RANBP17: variants seen among roughly 807,000 people sequenced by gnomAD.
RANBP17 encodes ran-binding protein 17.
RANBP17 carries 158 observed loss-of-function variants against 141.2 expected under a neutral mutation model. That is an observed-to-expected ratio of 1.12 (90% CI 0.98 to 1.28). The LOEUF is 1.28. Ranked by LOEUF, RANBP17 falls within the 50% of genes most tolerant of loss-of-function variation. The pLI, the probability that RANBP17 is intolerant of heterozygous loss-of-function variation, is 0.00. For missense variants in RANBP17, 1,438 were observed against 1,290.7 expected (o/e 1.11, Z -1.75); for synonymous variants, 430 against 450.0 (o/e 0.96, Z 0.56).
chr5:170,872,785 A>G, intron 1 of RANBP17, among the ~76,000 whole-genome samples: 1 of 152,198 alleles, frequency 6.6e-6, no homozygotes, highest in Non-Finnish European at 1.5e-5. Context: ...TTCTATTGAG[A>G]TAATCATGTG....
chr5:171,181,855 G>A (rs915074940), intron 16 of RANBP17, among the ~76,000 whole-genome samples: 2 of 152,210 alleles, frequency 1.3e-5, no homozygotes, highest in African/African-American at 2.4e-5. Context: ...TTGATAATTG[G>A]CAAAGACATT....
chr5:170,910,244 G>A (rs1202326583), intron 6 of RANBP17: 1 of 154,738 alleles, frequency 6.5e-6, no homozygotes, highest in Admixed American at 6.5e-5. Context: ...ATTAGTGATA[G>A]CATGATTCAT....
At chr5:171,247,516 T>G (rs1460857610) in intron 24 of RANBP17, among the ~76,000 whole-genome samples, 1 of 152,214 alleles carries the variant, frequency 6.6e-6, no homozygotes. Flanking sequence ...TACAGAAAAG[T>G]TGAATCAGTG....
At chr5:171,253,974 G>A (rs543479954) in intron 24 of RANBP17, among the ~76,000 whole-genome samples, 8 of 152,094 alleles carry the variant, frequency 5.3e-5, no homozygotes, top group African/African-American at 1.4e-4. Context: ...CTGGCTAGGC[G>A]CGGTGGCTCA....
At chr5:171,141,558 G>A (rs1757698585) in intron 14 of RANBP17, among the ~76,000 whole-genome samples, 2 of 129,926 alleles carry the variant, frequency 1.5e-5, no homozygotes, top group South Asian at 5.1e-4. Context: ...AGTGAGCCGA[G>A]ATCTCACCAC....
chr5:170,865,102 G>A (rs754082297), intron 1 of RANBP17, among the ~76,000 whole-genome samples: 2 of 151,956 alleles, frequency 1.3e-5, no homozygotes, highest in Admixed American at 6.6e-5. Flanking sequence ...AATCTTGCTC[G>A]CCCAGGCTGG....
rs563036063 is a variant in RANBP17, at chr5:171,019,265, G to T, written c.1710+50888G>T. Among the ~76,000 whole-genome samples, 174 of 152,298 alleles carry T rather than the reference G, an allele frequency of 1.1e-3. 2 individuals are homozygous for T. Among genetic ancestry groups the T allele is most frequent in the South Asian group, 1.5e-3 (7 of 4,820 alleles). Reference sequence around the variant, plus strand: ...CGGCTTTGGTATCAGGATGGTGCTGGCTGTATAAAATAAGTTAGGAAGGAG... The same window carrying T: ...CGGCTTTGGTATCAGGATGGTGCTGTCTGTATAAAATAAGTTAGGAAGGAG... On this transcript the variant is annotated intron_variant, in intron 14 of 27. Coordinates refer to ENST00000523189, the MANE Select transcript of RANBP17 (RefSeq NM_022897.5).
chr5:170,877,660 C>T (rs183800562), intron 1 of RANBP17, among the ~76,000 whole-genome samples: 1 of 152,272 alleles, frequency 6.6e-6, no homozygotes, highest in Admixed American at 6.5e-5. Flanking sequence ...TCTGGTATCT[C>T]CTTGCTGTGT....
rs942940161 is a variant in RANBP17 at position 170,911,496 on chromosome 5, A to C, written c.760+362A>C. The stretch of plus-strand genomic sequence containing the variant: ...TTTTCAGGTGCTGGTCAAACCTTTA[A>C]ATCTTCAGGATCAGTGTTAGCAAAA... On this transcript the variant is annotated intron_variant, in intron 7 of 27. Transcript: ENST00000523189. 17 of 708,672 alleles carry C rather than the reference A, an allele frequency of 2.4e-5. No individual in the cohort carries two copies. In the African/African-American group the frequency reaches 2.6e-4, roughly 11 times the overall value. The allele number at this position is 708,672 out of a possible 1,614,324, so 43.9% of individuals were successfully genotyped here.
chr5:171,086,287 A>G (rs1785647076), intron 14 of RANBP17, among the ~76,000 whole-genome samples: 1 of 146,882 alleles, frequency 6.8e-6, no homozygotes, highest in South Asian at 2.2e-4. Context: ...CGTATATTGA[A>G]CCAGCCTTGC....
intron 24 of RANBP17, chr5:171,251,757 C>T (rs1300504312): frequency 1.1e-6 from 1 of 901,930 alleles, no homozygotes; most frequent in Non-Finnish European, 1.8e-6. Flanking sequence ...CCCCGTTCCC[C>T]TCCTCCCGCG....
chr5:171,004,070 G>A (rs539023157), intron 14 of RANBP17, among the ~76,000 whole-genome samples: 2 of 152,266 alleles, frequency 1.3e-5, no homozygotes, highest in East Asian at 1.9e-4. Context: ...GGTTTTAGAA[G>A]CCCATGCTGT....
intron 24 of RANBP17, among the ~76,000 whole-genome samples, chr5:171,264,839 G>A (rs1378260926): frequency 6.6e-6 from 1 of 152,172 alleles, no homozygotes; most frequent in Non-Finnish European, 1.5e-5. Context: ...CTGTTGCCTT[G>A]TGCTAATCCC....
At chr5:170,957,851 CCT>C (rs1775840422) in intron 13 of RANBP17, among the ~76,000 whole-genome samples, 1 of 152,154 alleles carries the variant, frequency 6.6e-6, no homozygotes, top group Non-Finnish European at 1.5e-5. Flanking sequence ...TTTGAAAAAG[CCT>C]CTCTAAACAG....
At chr5:170,887,612 G>A (rs765219304) in intron 3 of RANBP17, among the ~76,000 whole-genome samples, 1 of 152,050 alleles carries the variant, frequency 6.6e-6, no homozygotes, top group East Asian at 1.9e-4. Flanking sequence ...GAGATCAATT[G>A]ACTGTATTTA....
chr5:171,182,336 C>T (rs1331436190), intron 16 of RANBP17, among the ~76,000 whole-genome samples: 1 of 152,146 alleles, frequency 6.6e-6, no homozygotes, highest in African/African-American at 2.4e-5. Flanking sequence ...CCACATCATA[C>T]CTGAAATTAT....
chr5:171,058,754 T>A (rs368996598), intron 14 of RANBP17, among the ~76,000 whole-genome samples: 7,572 of 150,802 alleles, frequency 0.05, 268 homozygotes, highest in South Asian at 0.082. Context: ...TGCACAATGG[T>A]TGAACTAGTT....
intron 14 of RANBP17, among the ~76,000 whole-genome samples, chr5:171,075,002 G>A (rs1196591033): frequency 6.6e-6 from 1 of 152,056 alleles, no homozygotes; most frequent in African/African-American, 2.4e-5. Flanking sequence ...TGAAACTCGG[G>A]GGTTAACCCA....
At chr5:171,005,100 G>C (rs1441242373) in intron 14 of RANBP17, among the ~76,000 whole-genome samples, 2 of 152,074 alleles carry the variant, frequency 1.3e-5, no homozygotes, top group African/African-American at 4.8e-5. Flanking sequence ...CTAATGTCAG[G>C]AGCTGACTGG....
Sources: gnomAD v4.1 joint callset for allele counts (sites outside exome capture counted in the v4.1 genomes callset) on GRCh38, gnomAD v4.1.1 for gene constraint, MANE v1.5 for transcripts, NCBI Gene and HGNC (gene_info 2026-07-23, HGNC 2026-07-21) for gene names.